SLC24A2: variants seen among roughly 807,000 people sequenced by gnomAD.
SLC24A2 encodes sodium/potassium/calcium exchanger 2.
In SLC24A2, 36 loss-of-function variants were observed where a neutral mutation model predicts 62.0. The observed-to-expected ratio is 0.58, with a 90% CI of 0.44 to 0.77. The LOEUF (loss-of-function observed/expected upper bound fraction) is 0.77. SLC24A2 is among the 30% of genes least tolerant of loss of function. SLC24A2 has a pLI of 0.00. For synonymous variants in SLC24A2, 358 were observed against 294.0 expected, an observed-to-expected ratio of 1.22 and a Z score of -2.23; for missense variants, 846 against 817.9, an observed-to-expected ratio of 1.03 and a Z score of -0.42.
chr9:19,793,236 T>G (rs188922054), upstream of SLC24A2, among the ~76,000 whole-genome samples: 5 of 152,380 alleles, frequency 3.3e-5, no homozygotes, highest in Non-Finnish European at 7.3e-5. Context: ...GTTTCTCACT[T>G]GTGCTACCTG....
At chr9:20,034,412 G>C in the SLC24A2 span, among the ~76,000 whole-genome samples, 725 of 149,880 alleles carry the variant, frequency 4.8e-3, 10 homozygotes, top group African/African-American at 0.017. Context: ...TTCAGCTGCT[G>C]GGGAAAATGT....
chr9:19,935,427 T>G, the SLC24A2 span, among the ~76,000 whole-genome samples: 1 of 152,088 alleles, frequency 6.6e-6, no homozygotes, highest in Non-Finnish European at 1.5e-5. Flanking sequence ...ACCCAGCACT[T>G]AAGAGCAGCA....
At chr9:20,010,339 T>C in the SLC24A2 span, among the ~76,000 whole-genome samples, 1 of 152,122 alleles carries the variant, frequency 6.6e-6, no homozygotes, top group Admixed American at 6.5e-5. Context: ...ACAAACAATA[T>C]GAAAAATTAG....
At chr9:20,179,137 G>C in the SLC24A2 span, among the ~76,000 whole-genome samples, 6 of 152,082 alleles carry the variant, frequency 3.9e-5, no homozygotes, top group African/African-American at 1.4e-4. Context: ...CTGAAGGTTG[G>C]GGGCAGCTGG....
the SLC24A2 span, among the ~76,000 whole-genome samples, chr9:20,077,096 G>T: frequency 6.6e-6 from 1 of 151,754 alleles, no homozygotes; most frequent in South Asian, 2.1e-4. Flanking sequence ...TTTAAAAAAA[G>T]GTTCAAATAG....
chr9:19,684,455 C>A (rs1167261131), intron 2 of SLC24A2, among the ~76,000 whole-genome samples: 1 of 151,974 alleles, frequency 6.6e-6, no homozygotes, highest in African/African-American at 2.4e-5. Flanking sequence ...GAGTGCTTTT[C>A]CTGAAGCATT....
chr9:19,944,793 G>T, the SLC24A2 span, among the ~76,000 whole-genome samples: 15 of 152,150 alleles, frequency 9.9e-5, no homozygotes, highest in East Asian at 2.9e-3. Flanking sequence ...ACTTAGATTT[G>T]TCTTCGTTAA....
the SLC24A2 span, among the ~76,000 whole-genome samples, chr9:20,230,200 G>T: frequency 6.6e-6 from 1 of 152,214 alleles, no homozygotes; most frequent in South Asian, 2.1e-4. Context: ...ACATACGTGT[G>T]CATGTGTCTT....
At chr9:19,785,370 G>A in intron 2 of SLC24A2, among the ~76,000 whole-genome samples, 1 of 152,208 alleles carries the variant, frequency 6.6e-6, no homozygotes, top group South Asian at 2.1e-4. Context: ...ATGCTGATCA[G>A]TTCCTGGTCA....
At chr9:20,046,217 G>A in the SLC24A2 span, among the ~76,000 whole-genome samples, 1 of 152,234 alleles carries the variant, frequency 6.6e-6, no homozygotes, top group East Asian at 1.9e-4. Flanking sequence ...CCACTGTGTG[G>A]GGTGGCCAGC....
rs909832663 is a variant in SLC24A2 at position 19,513,000 on chromosome 9, G to A, written c.*3153C>T. The A allele has an allele frequency of 1.3e-5, 2 of 151,658 alleles. No homozygotes were observed. The highest frequency in any genetic ancestry group is 4.8e-5 in the African/African-American group (2 of 41,290). 9.4% of individuals were successfully genotyped at this position (151,658 alleles called of 1,614,324 possible). ...TGGAACAAACAACCTTATGAAATCA[G>A]GAAGAAATGTTCCCTTTGGTTTGTG... On this transcript the variant is annotated 3_prime_UTR_variant, in exon 11 of 11. Coordinates refer to ENST00000341998, the MANE Select transcript of SLC24A2 (RefSeq NM_020344.4).
chr9:20,039,806 C>A, the SLC24A2 span, among the ~76,000 whole-genome samples: 1 of 152,162 alleles, frequency 6.6e-6, no homozygotes, highest in African/African-American at 2.4e-5. Context: ...AGAGCTGGAA[C>A]TGTAGGGAAG....
the SLC24A2 span, among the ~76,000 whole-genome samples, chr9:19,798,126 G>A: frequency 6.6e-6 from 1 of 152,142 alleles, no homozygotes; most frequent in Admixed American, 6.5e-5. Context: ...TAATAAACTA[G>A]TTTATTCATT....
the SLC24A2 span, among the ~76,000 whole-genome samples, chr9:20,170,342 T>C: frequency 6.6e-6 from 1 of 151,958 alleles, no homozygotes; most frequent in African/African-American, 2.4e-5. Flanking sequence ...CAACTAAGAT[T>C]GCAAGAGCAC....
rs751896596 is a variant in SLC24A2, at chr9:19,786,570, T to C, written c.297A>G (p.Pro99=). The stretch of plus-strand genomic sequence containing the variant: ...CGCCTTCCTTAGAAAGAGGTGGCTG[T>C]GGAGTATAATCCAGAATCTTGTCAT... ...DLNDKILDYT[P]QPPLSKEGES... Residue 99 remains proline, a synonymous_variant, in exon 2 of 11, where the codon CCA becomes CCG. Coordinates refer to ENST00000341998, the MANE Select transcript of SLC24A2 (RefSeq NM_020344.4). This position sits in a 1 kb window ranked among gnomAD's most constrained non-coding sequence, Gnocchi z 5.0. The C allele has an allele frequency of 1.4e-5, 23 of 1,614,090 alleles. No individual in the cohort carries two copies. The highest frequency in any genetic ancestry group is 1.3e-5 in the African/African-American group (1 of 74,930).
intron 2 of SLC24A2, among the ~76,000 whole-genome samples, chr9:19,711,931 A>G (rs1820726785): frequency 2.6e-5 from 4 of 152,160 alleles, no homozygotes; most frequent in African/African-American, 7.2e-5. Context: ...TCCCCTATGA[A>G]CCATTATTTC....
chr9:19,942,987 G>C, the SLC24A2 span, among the ~76,000 whole-genome samples: 10 of 152,182 alleles, frequency 6.6e-5, no homozygotes, highest in African/African-American at 1.9e-4. Context: ...GAAGTGATTA[G>C]AGCAAGAAAT....
intron 7 of SLC24A2, among the ~76,000 whole-genome samples, chr9:19,552,460 T>A (rs1834891463): frequency 6.6e-6 from 1 of 152,210 alleles, no homozygotes; most frequent in Non-Finnish European, 1.5e-5. Context: ...GAAATAGGCA[T>A]GGGAGCCTTG....
At position 19,699,506 on chromosome 9, in the gene SLC24A2, T is replaced by C. The variant is rs1820294791; in HGVS notation, c.931-77207A>G. ...AAATTACGGTTACATTCATGCAATA[T>C]TATGATACATGAGGCAGTTTCTTAA... On this transcript the variant is annotated intron_variant, in intron 2 of 10. Coordinates refer to ENST00000341998, the MANE Select transcript of SLC24A2 (RefSeq NM_020344.4). 2.0e-5 allele frequency among the ~76,000 whole-genome samples: 3 copies of C among 152,176 alleles called. No individual in the cohort carries two copies. The South Asian group carries it at 6.3e-4, about 32-fold the overall frequency.
Sources: gnomAD v4.1 joint callset for allele counts (sites outside exome capture counted in the v4.1 genomes callset) on GRCh38, gnomAD v4.1.1 for gene constraint, Gnocchi (gnomAD v3.1) non-coding constraint, MANE v1.5 for transcripts, NCBI Gene and HGNC (gene_info 2026-07-23, HGNC 2026-07-21) for gene names.